The following HAPLN1 variants were observed in gnomAD, a reference collection of about 807,000 sequenced individuals.
HAPLN1 encodes the protein Cartilage link protein.
In HAPLN1, 13 loss-of-function variants were observed where a neutral mutation model predicts 36.5. That is an observed-to-expected ratio of 0.36 (90% CI 0.23 to 0.57). The LOEUF (loss-of-function observed/expected upper bound fraction) is 0.57, where lower values mean the gene tolerates loss of function less well. HAPLN1 is among the 20% of genes least tolerant of loss of function. HAPLN1 has a pLI of 0.83. For synonymous variants in HAPLN1, 202 were observed against 169.8 expected, an observed-to-expected ratio of 1.19 and a Z score of -1.48; for missense variants, 407 against 439.7, an observed-to-expected ratio of 0.93 and a Z score of 0.66.
At chr5:83,649,109 AG>A (rs1339376354) in intron 3 of HAPLN1, among the ~76,000 whole-genome samples, 1 of 152,252 alleles carries the variant, frequency 6.6e-6, no homozygotes, top group East Asian at 1.9e-4. Context: ...ATTCAGTGGT[AG>A]TGGGAGTAAG....
rs115399408 is a variant in HAPLN1 at position 83,687,916 on chromosome 5, G to T, written c.-26-14367C>A. 3.9e-3 allele frequency among the ~76,000 whole-genome samples: 588 copies of T among 152,192 alleles called. 3 individuals carry two copies. The highest frequency in any genetic ancestry group is 0.014 in the African/African-American group (572 of 41,534). Reference sequence around the variant, plus strand: ...ATCAAAAGGCTGTTTTGACTCTCTTGGTTTTCTTAAGATATAAGCATTGGA... The same window carrying T: ...ATCAAAAGGCTGTTTTGACTCTCTTTGTTTTCTTAAGATATAAGCATTGGA... On this transcript the variant is annotated intron_variant, in intron 1 of 4. Coordinates refer to ENST00000274341, the MANE Select transcript of HAPLN1 (RefSeq NM_001884.4).
Position 83,644,559 on chromosome 5 carries a change from C to G in HAPLN1, c.579G>C (p.Gln193His). The G allele has an allele frequency of 6.2e-7, 1 of 1,601,522 alleles. No individual in the cohort carries two copies. The highest frequency in any genetic ancestry group is 8.5e-7 in the Non-Finnish European group (1 of 1,174,474). The stretch of plus-strand genomic sequence containing the variant: ...GCCCGCCCCGCCAGGCGTCGTACAG[C>G]TGGTCGAAGGAGGCGATCACAGCAT... ...DQDAVIASFDQLYDAWRGGLD... is the reference protein window; with the variant it reads ...DQDAVIASFDHLYDAWRGGLD... The change falls in exon 4 of 5, where the codon CAG (glutamine) becomes CAC (histidine). Residue 193 changes from glutamine (Q) to histidine (H), a missense_variant. Gln to His is a conservative substitution (Grantham distance 24, BLOSUM62 0). Transcript: ENST00000274341.
At chr5:83,647,755 T>C (rs1749915149) in intron 3 of HAPLN1, among the ~76,000 whole-genome samples, 1 of 152,138 alleles carries the variant, frequency 6.6e-6, no homozygotes, top group African/African-American at 2.4e-5. Context: ...TATGTCAAAA[T>C]ATAATCAAAA....
chr5:83,718,645 A>C (rs1241284641), intron 1 of HAPLN1, among the ~76,000 whole-genome samples: 1 of 152,216 alleles, frequency 6.6e-6, no homozygotes, highest in East Asian at 1.9e-4. Context: ...AGTACACTTA[A>C]ATGACATAGA....
rs1171414935 is a variant in HAPLN1, at chr5:83,640,414, TTC to T, written c.*1080_*1081del. 6.6e-6 allele frequency: 1 copy of T among 152,140 alleles called. No homozygotes were observed. The highest frequency in any genetic ancestry group is 2.4e-5 in the African/African-American group (1 of 41,444). 9.4% of individuals were successfully genotyped at this position (152,140 alleles called of 1,614,324 possible). On this transcript the variant is annotated 3_prime_UTR_variant, in exon 5 of 5. Transcript: ENST00000274341. ...AGGTTTAGAACTACACTGTTGACTTTTCCCCCCAAACACAGGCACTGGTTGGG... is the reference window on the plus strand; with the variant it reads ...AGGTTTAGAACTACACTGTTGACTTTCCCCCAAACACAGGCACTGGTTGGG...
At chr5:83,660,227 T>C (rs1157978892) in intron 2 of HAPLN1, among the ~76,000 whole-genome samples, 1 of 152,206 alleles carries the variant, frequency 6.6e-6, no homozygotes, top group African/African-American at 2.4e-5. Context: ...GATTATGTGA[T>C]GGGAAACTGC....
chr5:83,716,947 G>A (rs973215455), intron 1 of HAPLN1, among the ~76,000 whole-genome samples: 8 of 152,092 alleles, frequency 5.3e-5, no homozygotes, highest in African/African-American at 1.7e-4. Context: ...CAGGGGAATC[G>A]CTTGAACCTG....
chr5:83,668,996 TTG>T (rs1750629708), intron 2 of HAPLN1, among the ~76,000 whole-genome samples: 1 of 152,226 alleles, frequency 6.6e-6, no homozygotes, highest in Non-Finnish European at 1.5e-5. Flanking sequence ...GTAAATCTAC[TTG>T]TTTTATTTGT....
At chr5:83,719,491 T>G (rs916275269) in intron 1 of HAPLN1, among the ~76,000 whole-genome samples, 32 of 152,218 alleles carry the variant, frequency 2.1e-4, no homozygotes, top group African/African-American at 7.5e-4. Context: ...TTAAAATGGG[T>G]GGTATAAAAG....
intron 1 of HAPLN1, among the ~76,000 whole-genome samples, chr5:83,687,801 C>A (rs1037059318): frequency 6.6e-6 from 1 of 152,022 alleles, no homozygotes; most frequent in Non-Finnish European, 1.5e-5. Context: ...ATGGAATATC[C>A]CATTGTTTTT....
chr5:83,675,030 C>T (rs1750829020), intron 1 of HAPLN1, among the ~76,000 whole-genome samples: 1 of 152,172 alleles, frequency 6.6e-6, no homozygotes, highest in Non-Finnish European at 1.5e-5. Flanking sequence ...CTTCAAAATT[C>T]TACCTGATTT....
chr5:83,701,367 T>C (rs1751503021), intron 1 of HAPLN1, among the ~76,000 whole-genome samples: 1 of 152,214 alleles, frequency 6.6e-6, no homozygotes, highest in Admixed American at 6.5e-5. Flanking sequence ...TAATAAGTCA[T>C]CTAAAAGTGA....
At chr5:83,714,386 GA>G (rs1203134848) in intron 1 of HAPLN1, among the ~76,000 whole-genome samples, 13 of 152,130 alleles carry the variant, frequency 8.5e-5, no homozygotes, top group Admixed American at 3.9e-4. Flanking sequence ...ATAAATTAAT[GA>G]AATACTTAAT....
chr5:83,676,845 G>A (rs75595580), intron 1 of HAPLN1, among the ~76,000 whole-genome samples: 2 of 152,232 alleles, frequency 1.3e-5, no homozygotes, highest in African/African-American at 4.8e-5. Flanking sequence ...CTTAATGCTC[G>A]ATCAGCCAGC....
intron 1 of HAPLN1, among the ~76,000 whole-genome samples, chr5:83,712,071 A>T (rs961230982): frequency 2.0e-5 from 3 of 152,232 alleles, no homozygotes; most frequent in African/African-American, 7.2e-5. Context: ...GTATTAAATT[A>T]TACAGCAATT....
intron 2 of HAPLN1, among the ~76,000 whole-genome samples, chr5:83,661,032 A>AC (rs1490518940): frequency 6.6e-6 from 1 of 152,166 alleles, no homozygotes; most frequent in Admixed American, 6.5e-5. Flanking sequence ...TCCAGAAGGC[A>AC]GTTCCTAGAA....
Position 83,659,639 on chromosome 5 carries a change from C to A in HAPLN1, c.101-6815G>T, listed in dbSNP as rs193009934. Among the ~76,000 whole-genome samples, 18 of 152,018 alleles carry A rather than the reference C, an allele frequency of 1.2e-4. No individual in the cohort carries two copies. In the East Asian group the frequency reaches 1.7e-3, roughly 15 times the overall value. On this transcript the variant is annotated intron_variant, in intron 2 of 4. Transcript: ENST00000274341. ...GGGAATTTAACAAATAGACAAGAAC[C>A]TTTTATCTAGAGTCTCTCTACACAA...
chr5:83,643,398 A>G (rs944627447), intron 4 of HAPLN1, among the ~76,000 whole-genome samples: 3 of 150,386 alleles, frequency 2.0e-5, no homozygotes, highest in Non-Finnish European at 3.0e-5. Context: ...CTGACCCATA[A>G]TCTCTTTCTA....
chr5:83,660,008 C>G (rs10075200), intron 2 of HAPLN1, among the ~76,000 whole-genome samples: 3,309 of 152,088 alleles, frequency 0.022, 148 homozygotes, highest in African/African-American at 0.074. Context: ...CCAACCCTGC[C>G]AGGGGCTACC....
Sources: allele counts gnomAD v4.1 joint callset (sites outside exome capture counted in the v4.1 genomes callset), GRCh38; gene constraint gnomAD v4.1.1; transcripts MANE v1.5; gene names NCBI Gene and HGNC (gene_info 2026-07-23, HGNC 2026-07-21).